The following MYO9B variants were observed in gnomAD, a reference collection of about 807,000 sequenced individuals.
The protein encoded by MYO9B is unconventional myosin-IXb.
In MYO9B, 71 loss-of-function variants were observed where a neutral mutation model predicts 229.5. That is an observed-to-expected ratio of 0.31 (90% CI 0.26 to 0.38). The LOEUF (loss-of-function observed/expected upper bound fraction) is 0.38. Among genes scored for constraint, MYO9B ranks in the 10% least tolerant of loss-of-function variants. The pLI is 1.00. For missense variants in MYO9B, 2,255 were observed against 2,920.5 expected (o/e 0.77, Z 5.25); for synonymous variants, 1,185 against 1,235.8 (o/e 0.96, Z 0.86).
chr19:17,177,079 T>C (rs987668522), intron 14 of MYO9B, among the ~76,000 whole-genome samples: 1 of 152,002 alleles, frequency 6.6e-6, no homozygotes, highest in African/African-American at 2.4e-5. Context: ...CGAGTACCTG[T>C]AGTCCCAGCT....
chr19:17,178,760 C>T (rs2072819512), intron 14 of MYO9B, among the ~76,000 whole-genome samples: 1 of 152,076 alleles, frequency 6.6e-6, no homozygotes, highest in Non-Finnish European at 1.5e-5. Context: ...TGGCCGGGCG[C>T]AGTGGCTCAC....
intron 3 of MYO9B, among the ~76,000 whole-genome samples, chr19:17,146,161 A>G (rs62127920): frequency 0.013 from 1,324 of 100,832 alleles, 29 homozygotes; most frequent in Non-Finnish European, 0.018. Flanking sequence ...GTGGGTGGAT[A>G]GATGGATGGA....
At chr19:17,183,893 C>A in intron 16 of MYO9B, 25 bp downstream of exon 16, 1 of 1,551,868 alleles carries the variant, frequency 6.4e-7, no homozygotes, top group Admixed American at 2.0e-5. Flanking sequence ...ACACCCCGCG[C>A]GACACGTTCC....
intron 1 of MYO9B, among the ~76,000 whole-genome samples, chr19:17,077,453 G>A (rs1028172314): frequency 6.6e-6 from 1 of 152,296 alleles, no homozygotes; most frequent in Middle Eastern, 3.4e-3. Context: ...CATGCCTCCT[G>A]CAAACATTGA....
In MYO9B at chr19:17,162,497, G is replaced by A. The variant is rs77261226; in HGVS notation, c.1536+31G>A. 237 of 1,514,684 alleles carry A rather than the reference G, an allele frequency of 1.6e-4. 1 individual carries two copies. The highest frequency in any genetic ancestry group is 6.7e-4 in the Middle Eastern group (4 of 5,946). 93.8% of individuals were successfully genotyped at this position (1,514,684 alleles called of 1,614,324 possible). ...TGCCCCCATTTGCTTCCTCAAGCCC[G>A]GCCAGGGGAGGCCACATCCTCACTA... On this transcript the variant is annotated intron_variant, in intron 9 of 39. Coordinates refer to ENST00000682292, the MANE Select transcript of MYO9B (RefSeq NM_004145.4).
intron 2 of MYO9B, among the ~76,000 whole-genome samples, chr19:17,109,357 G>A (rs972259253): frequency 2.6e-4 from 40 of 152,024 alleles, no homozygotes; most frequent in African/African-American, 7.0e-4. Context: ...GAGCCACTGC[G>A]CCCGGCCATC....
At chr19:17,113,810 G>A (rs2057872901) in intron 2 of MYO9B, among the ~76,000 whole-genome samples, 2 of 152,258 alleles carry the variant, frequency 1.3e-5, no homozygotes, top group South Asian at 2.1e-4. Flanking sequence ...GGGCCCGAAT[G>A]CAGGGCAGGC....
chr19:17,162,131 T>TC (rs2072610045), intron 8 of MYO9B, among the ~76,000 whole-genome samples: 3 of 151,792 alleles, frequency 2.0e-5, no homozygotes, highest in African/African-American at 7.2e-5. Context: ...ATGGTGAAAC[T>TC]CCATCTCTAG....
chr19:17,157,794 T>C (rs2072553627), intron 7 of MYO9B: 2 of 152,216 alleles, frequency 1.3e-5, no homozygotes, highest in Admixed American at 6.6e-5. Context: ...GGCAGGAAGA[T>C]TGCTTGAGCC....
At chr19:17,082,672 CCTTGT>C (rs1258019841) in intron 1 of MYO9B, among the ~76,000 whole-genome samples, 2 of 152,134 alleles carry the variant, frequency 1.3e-5, no homozygotes, top group Admixed American at 6.6e-5. Context: ...CCCCTGGGGT[CCTTGT>C]CTTGTCACGT....
chr19:17,134,886 C>G (rs774193664), intron 2 of MYO9B, among the ~76,000 whole-genome samples: 8 of 152,136 alleles, frequency 5.3e-5, no homozygotes, highest in Non-Finnish European at 1.0e-4. Context: ...GCCTCAGCCT[C>G]CCAGGTAGTT....
intron 7 of MYO9B, 26 bp from the exon 8 acceptor site, chr19:17,159,369 T>C (rs1179733945): frequency 6.4e-7 from 1 of 1,573,918 alleles, no homozygotes; most frequent in Admixed American, 1.9e-5. Context: ...CCCTTTTCCT[T>C]CTCCCTCTCC....
intron 38 of MYO9B, 128 bp downstream of exon 38, chr19:17,210,976 ACTT>A: frequency 1.1e-5 from 6 of 565,628 alleles, no homozygotes; most frequent in Admixed American, 1.1e-4. Flanking sequence ...GGCAAACAAC[ACTT>A]TTTTTTTTTT....
chr19:17,172,849 G>T lies in MYO9B; in HGVS notation c.2026G>T (p.Gly676Cys). Residue 676 changes from glycine (G) to cysteine (C), a missense_variant, in exon 13 of 40, where the codon GGC (glycine) becomes TGC (cysteine). By Grantham distance (159) the Gly-to-Cys change is radical (BLOSUM62 -3). Around this residue, in one of 7 missense-constraint regions of MYO9B, gnomAD observed 220 missense variants for 404.5 expected, o/e 0.54. Transcript: ENST00000682292. This position sits in a 1 kb window ranked among gnomAD's most constrained non-coding sequence, Gnocchi z 8.2. ...SDSSYVRELI[G>C]MDPVAVFRWA... ...CAGCTCCTACGTGCGGGAGCTCATC[G>T]GCATGGACCCCGTGGCCGTGTTCCG... is the stretch of plus-strand genomic sequence containing the variant. 6.2e-7 allele frequency: 1 copy of T among 1,610,538 alleles called. No homozygotes were observed.
chr19:17,157,311 T>G, intron 7 of MYO9B: 1 of 343,492 alleles, frequency 2.9e-6, no homozygotes, highest in Non-Finnish European at 5.4e-6. Flanking sequence ...TCCCAGTACT[T>G]TGGGAGGCCA....
Position 17,076,106 on chromosome 19 carries a change from G to GC in MYO9B, c.-59+232_-59+233insC, listed in dbSNP as rs561808950. 9.9e-5 allele frequency among the ~76,000 whole-genome samples: 15 copies of GC among 151,778 alleles called. No individual in the cohort carries two copies. In the East Asian group the frequency reaches 2.3e-3, roughly 24 times the overall value. ...GTGAGGGAGTTCGAGGGCGTGGGGG[G>GC]GGTGAGTCTTGTGGCTTTGAGCAGC... On this transcript the variant is annotated intron_variant, in intron 1 of 39. Transcript: ENST00000682292.
chr19:17,205,420 C>A, intron 31 of MYO9B, 84 bp downstream of exon 31: 1 of 1,342,802 alleles, frequency 7.4e-7, no homozygotes, highest in Non-Finnish European at 1.1e-6. Context: ...GATGTGAGGG[C>A]CAAGCGAAGC....
chr19:17,209,725 CGTGG>C lies in MYO9B; in HGVS notation c.5748+18_5748+21del. The C allele has an allele frequency of 6.3e-7, 1 of 1,589,856 alleles. No homozygotes were observed. Among genetic ancestry groups the C allele is most frequent in the Non-Finnish European group, 8.6e-7 (1 of 1,164,564 alleles). ...ACAAAATGCTGTGAGTACCGGTGAT[CGTGG>C]GGGCGGGACCTCTTTGGTGGGGCGG... On this transcript the variant is annotated intron_variant, in intron 36 of 39. Coordinates refer to ENST00000682292, the MANE Select transcript of MYO9B (RefSeq NM_004145.4).
intron 9 of MYO9B, 135 bp downstream of exon 9, chr19:17,162,601 G>A (rs1382075308): frequency 1.3e-6 from 1 of 772,612 alleles, no homozygotes; most frequent in African/African-American, 1.7e-5. Context: ...CACAAGGACA[G>A]GCCCAGGAAA....
Sources: allele counts gnomAD v4.1 joint callset (sites outside exome capture counted in the v4.1 genomes callset), GRCh38; gene constraint gnomAD v4.1.1; regional missense constraint gnomAD v4.1.1; non-coding constraint Gnocchi (gnomAD v3.1); transcripts MANE v1.5; gene names NCBI Gene and HGNC (gene_info 2026-07-23, HGNC 2026-07-21).